SLC18B1: variants seen among roughly 807,000 people sequenced by gnomAD.
The protein encoded by SLC18B1 is solute carrier family 18 member B1, also known as MFS-type transporter SLC18B1.
SLC18B1 carries 62 observed loss-of-function variants against 53.9 expected under a neutral mutation model. The ratio of observed to expected loss-of-function variants is 1.15; its 90% CI spans 0.94 to 1.42. The LOEUF (loss-of-function observed/expected upper bound fraction) is 1.42. Among genes scored for constraint, SLC18B1 ranks in the 40% most tolerant of loss-of-function variants. The pLI, the probability that SLC18B1 is intolerant of heterozygous loss-of-function variation, is 0.00. For synonymous variants in SLC18B1, 217 were observed against 200.9 expected (o/e 1.08, Z -0.68); for missense variants, 598 against 547.3 (o/e 1.09, Z -0.93).
In SLC18B1 at chr6:132,776,354, ATAG is replaced by A. The variant is rs759923700; in HGVS notation, c.868_870del (p.Leu290del). 1.9e-6 allele frequency: 3 copies of A among 1,613,504 alleles called. No individual in the cohort carries two copies. Among genetic ancestry groups the A allele is most frequent in the Non-Finnish European group, 2.5e-6 (3 of 1,179,694 alleles). ...GGCCTTTTATCACTTAGGAGACCAA[ATAG>A]TGGTGAAGAGATGGCATAGGACAGT... On this transcript the variant is annotated inframe_deletion, in exon 8 of 14. Coordinates refer to ENST00000275227, the MANE Select transcript of SLC18B1 (RefSeq NM_052831.3).
intron 11 of SLC18B1, among the ~76,000 whole-genome samples, chr6:132,771,582 T>C (rs1780974934): frequency 1.3e-5 from 2 of 152,250 alleles, no homozygotes; most frequent in African/African-American, 4.8e-5. Context: ...TAAATACCAC[T>C]CAAATAAGAT....
intron 7 of SLC18B1, among the ~76,000 whole-genome samples, chr6:132,779,022 G>A (rs904780763): frequency 1.3e-5 from 2 of 152,134 alleles, no homozygotes; most frequent in South Asian, 2.1e-4. Flanking sequence ...ACAATGACAC[G>A]AGCAAGTTCT....
At chr6:132,796,113 C>T (rs538591253) in intron 2 of SLC18B1, among the ~76,000 whole-genome samples, 2 of 151,702 alleles carry the variant, frequency 1.3e-5, no homozygotes, top group African/African-American at 2.4e-5. Flanking sequence ...CTTCGGGAGG[C>T]GGAGGCGGGC....
chr6:132,789,866 A>C lies in SLC18B1; in HGVS notation c.280-29T>G, dbSNP rs1249380389. 12 of 1,497,178 alleles carry C rather than the reference A, an allele frequency of 8.0e-6. No individual in the cohort carries two copies. In the Admixed American group the frequency reaches 2.0e-4, roughly 25 times the overall value. The allele number at this position is 1,497,178 out of a possible 1,614,324, so 92.7% of individuals were successfully genotyped here. A position where few individuals can be genotyped will look rare whatever the true frequency, so the allele number is the denominator to read the frequency against. The stretch of plus-strand genomic sequence containing the variant: ...TAATAAATGTCAAAGAAGAGTGGTA[A>C]ATTTATGACTTCCGAAAGTCTATAT... On this transcript the variant is annotated intron_variant, in intron 3 of 13. Coordinates refer to ENST00000275227, the MANE Select transcript of SLC18B1 (RefSeq NM_052831.3).
intron 7 of SLC18B1, among the ~76,000 whole-genome samples, chr6:132,777,739 G>A (rs914300615): frequency 1.3e-5 from 2 of 152,108 alleles, no homozygotes; most frequent in Non-Finnish European, 2.9e-5. Flanking sequence ...AAACAAAAAA[G>A]ATAAACACAA....
intron 7 of SLC18B1, among the ~76,000 whole-genome samples, chr6:132,779,063 T>C (rs1475950632): frequency 1.3e-5 from 2 of 152,218 alleles, no homozygotes; most frequent in Non-Finnish European, 2.9e-5. Flanking sequence ...TTAAGGCCAC[T>C]TAGTGAAAGA....
Position 132,770,307 on chromosome 6 carries a change from T to A in SLC18B1, c.1334A>T (p.Glu445Val). ...AGGCAAGAGAGTAGTTCGTTCCTCC[T>A]CTGTGCTGAGGATGTTTTGAGATTT... ...RSKSQNILST[E>V]EERTTLLPNE... The change falls in exon 14 of 14, where the codon GAG (glutamate) becomes GTG (valine). Residue 445 changes from glutamate (E) to valine (V), a missense_variant. By Grantham distance (121) the Glu-to-Val change is moderately radical (BLOSUM62 -2). Transcript: ENST00000275227. 1 of 1,613,888 alleles carries A rather than the reference T, an allele frequency of 6.2e-7. No individual in the cohort carries two copies. The highest frequency in any genetic ancestry group is 8.5e-7 in the Non-Finnish European group (1 of 1,179,736).
At chr6:132,788,879 AG>A (rs1279599971) in intron 4 of SLC18B1, among the ~76,000 whole-genome samples, 3 of 150,100 alleles carry the variant, frequency 2.0e-5, no homozygotes, top group African/African-American at 7.3e-5. Context: ...CCTATAAAGA[AG>A]AAAGCACCCA....
intron 11 of SLC18B1, among the ~76,000 whole-genome samples, 182 bp from the exon 12 acceptor site, chr6:132,771,311 C>A (rs779246856): frequency 6.6e-6 from 1 of 152,034 alleles, no homozygotes; most frequent in African/African-American, 2.4e-5. Flanking sequence ...TAATGACATT[C>A]AAAATTTTTT....
In SLC18B1 at chr6:132,773,118, C is replaced by A. The variant is rs1348630608; in HGVS notation, c.990-30G>T. 15 of 1,514,984 alleles carry A rather than the reference C, an allele frequency of 9.9e-6. No homozygotes were observed. In the East Asian group the frequency reaches 2.7e-4, roughly 27 times the overall value. 93.8% of individuals were successfully genotyped at this position (1,514,984 alleles called of 1,614,324 possible). The stretch of plus-strand genomic sequence containing the variant: ...AAAAGGGTTTTGGAGAAAACAAATA[C>A]AAAAAGAAAAACATTAGCGTTTTAA... On this transcript the variant is annotated intron_variant, in intron 9 of 13. Transcript: ENST00000275227.
Position 132,770,271 on chromosome 6 carries a change from T to G in SLC18B1, c.1370A>C (p.Ter457SerextTer18). 1 of 1,611,786 alleles carries G rather than the reference T, an allele frequency of 6.2e-7. No homozygotes were observed. Among genetic ancestry groups the G allele is most frequent in the Non-Finnish European group, 8.5e-7 (1 of 1,177,854 alleles). The change falls in exon 14 of 14, where the codon TAG (stop) becomes TCG (serine). Residue 457 changes from the stop codon to serine (S), a stop_lost. Coordinates refer to ENST00000275227, the MANE Select transcript of SLC18B1 (RefSeq NM_052831.3). ...TGTATCAATCCAGGATCCATCGGAC[T>G]AGGTTTCATTAGGCAAGAGAGTAGT... ...ERTTLLPNET[*>S]
chr6:132,798,504 T>C lies in SLC18B1; in HGVS notation c.-48A>G. On this transcript the variant is annotated 5_prime_UTR_variant, in exon 1 of 14. Transcript: ENST00000275227. ...CCCCAGCTCCCGGCTTCAAGCCACG[T>C]CCTTGGACTCGACCTCCAAGGAGCC... The C allele has an allele frequency of 2.1e-6, 3 of 1,428,994 alleles. No homozygotes were observed. The highest frequency in any genetic ancestry group is 1.8e-6 in the Non-Finnish European group (2 of 1,083,954). 88.5% of individuals were successfully genotyped at this position (1,428,994 alleles called of 1,614,324 possible).
At chr6:132,777,419 A>T (rs1781125374) in intron 7 of SLC18B1, among the ~76,000 whole-genome samples, 1 of 152,194 alleles carries the variant, frequency 6.6e-6, no homozygotes, top group African/African-American at 2.4e-5. Flanking sequence ...TTATTATAAG[A>T]TATACACAAA....
At chr6:132,788,872 A>G in intron 4 of SLC18B1, among the ~76,000 whole-genome samples, 1 of 149,766 alleles carries the variant, frequency 6.7e-6, no homozygotes, top group Middle Eastern at 3.5e-3. Context: ...GACAAGACCT[A>G]TAAAGAAGAA....
intron 10 of SLC18B1, 78 bp from the exon 11 acceptor site, chr6:132,772,284 T>A: frequency 2.4e-6 from 2 of 824,090 alleles, no homozygotes; most frequent in Non-Finnish European, 3.7e-6. Context: ...ATAGATCAAT[T>A]AAGATAAACC....
intron 2 of SLC18B1, among the ~76,000 whole-genome samples, chr6:132,794,135 A>C: frequency 7.3e-6 from 1 of 137,118 alleles, no homozygotes; most frequent in African/African-American, 2.9e-5. Context: ...ATGGAGTCTC[A>C]CTCTGTTGCC....
intron 1 of SLC18B1, 113 bp downstream of exon 1, chr6:132,798,298 GCCT>G: frequency 8.6e-7 from 1 of 1,167,216 alleles, no homozygotes; most frequent in Non-Finnish European, 1.1e-6. Context: ...TCAGGCCCCA[GCCT>G]TTTCCAATCT....
chr6:132,771,742 C>A (rs1780979179), intron 11 of SLC18B1, among the ~76,000 whole-genome samples: 1 of 152,160 alleles, frequency 6.6e-6, no homozygotes, highest in Non-Finnish European at 1.5e-5. Flanking sequence ...GTTTCAATTT[C>A]TTCATCAACA....
At chr6:132,771,211 T>G in intron 11 of SLC18B1, 82 bp from the exon 12 acceptor site, 1 of 1,247,798 alleles carries the variant, frequency 8.0e-7, no homozygotes. Flanking sequence ...ATCCTTCAAT[T>G]GTAAGTCTTC....
Sources: gnomAD v4.1 joint callset for allele counts (sites outside exome capture counted in the v4.1 genomes callset) on GRCh38, gnomAD v4.1.1 for gene constraint, MANE v1.5 for transcripts, NCBI Gene and HGNC (gene_info 2026-07-23, HGNC 2026-07-21) for gene names.